The following CDYL2 variants were observed in gnomAD, a reference collection of about 807,000 sequenced individuals.
The protein encoded by CDYL2 is chromodomain Y-like protein 2.
Under a neutral mutation model 49.4 loss-of-function variants are expected in CDYL2, and 23 were observed. That is an observed-to-expected ratio of 0.47 (90% confidence interval 0.34 to 0.66). The LOEUF (loss-of-function observed/expected upper bound fraction) is 0.66, where lower values mean the gene tolerates loss of function less well. Ranked by LOEUF, CDYL2 falls within the 30% of genes least tolerant of loss-of-function variation. The pLI is 0.01. For missense variants in CDYL2, 678 were observed against 656.4 expected (o/e 1.03, Z -0.36); for synonymous variants, 360 against 268.8 (o/e 1.34, Z -3.32).
intron 3 of CDYL2, among the ~76,000 whole-genome samples, chr16:80,626,064 C>A (rs1333350756): frequency 6.6e-6 from 1 of 151,418 alleles, no homozygotes; most frequent in Non-Finnish European, 1.5e-5. Context: ...CTGAGGCAGG[C>A]AGATTGCCTG....
At chr16:80,609,623 C>G (rs372947740) in intron 5 of CDYL2, among the ~76,000 whole-genome samples, 23 of 152,330 alleles carry the variant, frequency 1.5e-4, no homozygotes, top group East Asian at 1.3e-3. Context: ...ATGGCCATAT[C>G]TGCTCCAATG....
At chr16:80,624,832 C>T (rs548825423) in intron 3 of CDYL2, among the ~76,000 whole-genome samples, 1 of 152,136 alleles carries the variant, frequency 6.6e-6, no homozygotes, top group South Asian at 2.1e-4. Flanking sequence ...AGATCAACAG[C>T]AGATTAGGTG....
chr16:80,703,920 T>C (rs1904323280), intron 1 of CDYL2, among the ~76,000 whole-genome samples: 1 of 152,186 alleles, frequency 6.6e-6, no homozygotes, highest in Admixed American at 6.5e-5. Context: ...CTTGCCCAGC[T>C]GCGCAGGGTG....
At chr16:80,742,926 A>G (rs890240760) in intron 1 of CDYL2, among the ~76,000 whole-genome samples, 2 of 150,316 alleles carry the variant, frequency 1.3e-5, no homozygotes, top group African/African-American at 4.9e-5. Context: ...TGGATGGATG[A>G]ATAAATGAAG....
chr16:80,804,057 CG>C, intron 1 of CDYL2, 92 bp downstream of exon 1: 2 of 863,218 alleles, frequency 2.3e-6, no homozygotes, highest in Non-Finnish European at 2.8e-6. Context: ...GGATTGCGCC[CG>C]GCCCCGGCCC....
intron 1 of CDYL2, 126 bp from the exon 2 acceptor site, chr16:80,685,255 G>A (rs2142477071): frequency 2.8e-6 from 2 of 712,902 alleles, no homozygotes. Context: ...GGTGAGCCAC[G>A]AGCCATTCAA....
rs570612906 is a variant in CDYL2 at position 80,605,588 on chromosome 16, T to C, written c.1363-1042A>G. ...ATCATAGTAACAATAGTAATAATCA[T>C]AGTAACAGTAATCATATTAATGAAC... On this transcript the variant is annotated intron_variant, in intron 6 of 6. Transcript: ENST00000570137. 5.3e-5 allele frequency among the ~76,000 whole-genome samples: 8 copies of C among 150,830 alleles called. No homozygotes were observed. The South Asian group carries it at 1.0e-3, about 20-fold the overall frequency.
At chr16:80,720,116 C>T (rs1039706615) in intron 1 of CDYL2, among the ~76,000 whole-genome samples, 4 of 152,094 alleles carry the variant, frequency 2.6e-5, no homozygotes, top group African/African-American at 7.2e-5. Flanking sequence ...AAACTGGGAA[C>T]ATAAGAATTT....
chr16:80,736,778 A>T (rs551112839), intron 1 of CDYL2, among the ~76,000 whole-genome samples: 1 of 152,218 alleles, frequency 6.6e-6, no homozygotes, highest in Admixed American at 6.5e-5. Flanking sequence ...ATTTTTAATG[A>T]TCTATCAACT....
chr16:80,641,329 A>G (rs9939945), intron 2 of CDYL2, among the ~76,000 whole-genome samples: 9,244 of 152,200 alleles, frequency 0.061, 900 homozygotes, highest in African/African-American at 0.2. Flanking sequence ...CTAAAGGAGA[A>G]AAACAAAAAA....
intron 1 of CDYL2, among the ~76,000 whole-genome samples, chr16:80,740,118 G>A (rs1905683165): frequency 6.6e-6 from 1 of 152,122 alleles, no homozygotes; most frequent in Admixed American, 6.5e-5. Context: ...GACTAAATCG[G>A]GCAGGATTGA....
At chr16:80,699,256 T>C (rs531382028) in intron 1 of CDYL2, among the ~76,000 whole-genome samples, 5 of 152,324 alleles carry the variant, frequency 3.3e-5, no homozygotes, top group Non-Finnish European at 5.9e-5. Context: ...AGAACCAACC[T>C]AAGTGTCCAT....
In CDYL2 at chr16:80,617,371, T is replaced by C. The variant is rs550537736; in HGVS notation, c.1007+3392A>G. On this transcript the variant is annotated intron_variant, in intron 4 of 6. Transcript: ENST00000570137. ...AACAACGTTTTAGCCCTGCTAGATT[T>C]TGAAGGAAGTTCTTTCACAAGAGAC... 3.9e-5 allele frequency among the ~76,000 whole-genome samples: 6 copies of C among 152,334 alleles called. No individual in the cohort carries two copies. The South Asian group carries it at 6.2e-4, about 16-fold the overall frequency.
intron 1 of CDYL2, among the ~76,000 whole-genome samples, chr16:80,800,893 T>C (rs1270926482): frequency 6.6e-6 from 1 of 152,196 alleles, no homozygotes; most frequent in African/African-American, 2.4e-5. Flanking sequence ...TTGACTAGAA[T>C]CAGGTTGCAA....
At chr16:80,728,977 G>A (rs941398831) in intron 1 of CDYL2, among the ~76,000 whole-genome samples, 1 of 151,640 alleles carries the variant, frequency 6.6e-6, no homozygotes, top group Non-Finnish European at 1.5e-5. Context: ...GGAACAACCG[G>A]TACCAGCCAC....
rs1010246759 is a variant in CDYL2 at position 80,612,117 on chromosome 16, C to A, written c.1218+509G>T. ...ACCAGAAGCTGAGTCATGGCCAATA[C>A]CACATGAGTGGAGGGGAAGACGCCC... On this transcript the variant is annotated intron_variant, in intron 5 of 6. Transcript: ENST00000570137. The surrounding 1 kb of genome is among the most constrained non-coding windows in gnomAD (Gnocchi z 5.0). 1.3e-5 allele frequency among the ~76,000 whole-genome samples: 2 copies of A among 152,238 alleles called. No individual in the cohort carries two copies. Among genetic ancestry groups the A allele is most frequent in the Non-Finnish European group, 2.9e-5 (2 of 68,038 alleles).
intron 1 of CDYL2, among the ~76,000 whole-genome samples, chr16:80,782,184 T>A (rs1907291354): frequency 6.6e-6 from 1 of 151,824 alleles, no homozygotes; most frequent in African/African-American, 2.4e-5. Context: ...TACTACAGGC[T>A]TTACAGAAAT....
At chr16:80,639,992 G>T (rs67421214) in intron 2 of CDYL2, among the ~76,000 whole-genome samples, 19,864 of 152,136 alleles carry the variant, frequency 0.13, 1,610 homozygotes, top group Middle Eastern at 0.2. Context: ...TTGCCACAAT[G>T]GGATAAAGTG....
chr16:80,657,123 C>T (rs376772238), intron 2 of CDYL2, among the ~76,000 whole-genome samples: 202 of 152,278 alleles, frequency 1.3e-3, no homozygotes, highest in African/African-American at 4.6e-3. Context: ...AGACAGCTCA[C>T]GCTTAGAAAA....
Sources: gnomAD v4.1 joint callset for allele counts (sites outside exome capture counted in the v4.1 genomes callset) on GRCh38, gnomAD v4.1.1 for gene constraint, Gnocchi (gnomAD v3.1) non-coding constraint, MANE v1.5 for transcripts, NCBI Gene and HGNC (gene_info 2026-07-23, HGNC 2026-07-21) for gene names.